The following GLYATL2 variants were observed in gnomAD, a reference collection of about 807,000 sequenced individuals.
GLYATL2 encodes the protein glycine-N-acyltransferase like 2.
In GLYATL2, 25 loss-of-function variants were observed where a neutral mutation model predicts 21.4. The observed-to-expected ratio is 1.17, with a 90% CI of 0.85 to 1.63. GLYATL2 has a LOEUF of 1.63. GLYATL2 is among the 40% of genes most tolerant of loss of function. The pLI is 0.00. For missense variants in GLYATL2, 361 were observed against 343.3 expected, an observed-to-expected ratio of 1.05 and a Z score of -0.41; for synonymous variants, 114 against 118.2, an observed-to-expected ratio of 0.96 and a Z score of 0.23.
At chr11:58,838,818 G>A (rs576139169) in intron 2 of GLYATL2, among the ~76,000 whole-genome samples, 1 of 152,258 alleles carries the variant, frequency 6.6e-6, no homozygotes, top group Admixed American at 6.5e-5. Flanking sequence ...CGTGGTCTGA[G>A]AGATATATGT....
At chr11:58,886,287 A>G (rs1223708902) in intron 1 of GLYATL2, among the ~76,000 whole-genome samples, 1 of 152,222 alleles carries the variant, frequency 6.6e-6, no homozygotes, top group Non-Finnish European at 1.5e-5. Flanking sequence ...TGTCAACTAT[A>G]TGGAAGCACG....
intron 1 of GLYATL2, among the ~76,000 whole-genome samples, chr11:58,852,205 C>T (rs1480519633): frequency 1.3e-5 from 2 of 152,206 alleles, no homozygotes; most frequent in African/African-American, 4.8e-5. Flanking sequence ...TCCCTTAACC[C>T]TCTTTCCATG....
chr11:58,839,685 A>G (rs1853509905), intron 1 of GLYATL2, 33 bp from the exon 2 acceptor site: 1 of 1,058,252 alleles, frequency 9.4e-7, no homozygotes, highest in Non-Finnish European at 1.4e-6. Context: ...AAAAATACCT[A>G]GAGAGATATG....
chr11:58,894,456 T>A (rs993596993), intron 1 of GLYATL2, among the ~76,000 whole-genome samples: 1 of 122,460 alleles, frequency 8.2e-6, no homozygotes, highest in Non-Finnish European at 1.6e-5. Flanking sequence ...CTTGGATTAC[T>A]GTGAACATTG....
chr11:58,861,465 T>A (rs950259282), intron 1 of GLYATL2, among the ~76,000 whole-genome samples: 4 of 151,922 alleles, frequency 2.6e-5, no homozygotes, highest in Non-Finnish European at 5.9e-5. Context: ...TTTTTCTTTT[T>A]TTCCCCTCGT....
intron 1 of GLYATL2, among the ~76,000 whole-genome samples, chr11:58,873,639 C>T (rs1195148319): frequency 6.6e-6 from 1 of 152,148 alleles, no homozygotes; most frequent in East Asian, 1.9e-4. Context: ...ATGAAGCCCA[C>T]TTGATCATGG....
chr11:58,855,582 A>G (rs518089), intron 1 of GLYATL2, among the ~76,000 whole-genome samples: 135,051 of 152,228 alleles, frequency 0.89, 61,068 homozygotes, highest in Non-Finnish European at 0.98. Flanking sequence ...TCAACTTAAA[A>G]TAACCAGCTG....
intron 2 of GLYATL2, 45 bp from the exon 3 acceptor site, chr11:58,838,413 C>A: frequency 2.5e-6 from 3 of 1,181,694 alleles, no homozygotes; most frequent in Non-Finnish European, 3.8e-6. Context: ...AGTTCTTCTC[C>A]AATATAGAGT....
chr11:58,851,179 G>C (rs1300481124), intron 1 of GLYATL2, among the ~76,000 whole-genome samples: 1 of 152,020 alleles, frequency 6.6e-6, no homozygotes, highest in Admixed American at 6.6e-5. Flanking sequence ...GGCCACTACT[G>C]GTCTCCGCAT....
chr11:58,895,494 C>T (rs575195799), intron 1 of GLYATL2, among the ~76,000 whole-genome samples: 2 of 152,252 alleles, frequency 1.3e-5, no homozygotes, highest in South Asian at 4.1e-4. Flanking sequence ...GGTAAGTTTC[C>T]TTCTCATTCC....
intron 1 of GLYATL2, among the ~76,000 whole-genome samples, chr11:58,875,523 G>A (rs1332588809): frequency 1.3e-5 from 2 of 152,186 alleles, no homozygotes; most frequent in African/African-American, 2.4e-5. Context: ...TGCCTGTAAA[G>A]TATTTTATTT....
intron 1 of GLYATL2, among the ~76,000 whole-genome samples, chr11:58,896,730 G>GTTTGT (rs10670699): frequency 0.87 from 132,210 of 151,780 alleles, 58,594 homozygotes; most frequent in Middle Eastern, 0.97. Context: ...ACTTAAACGT[G>GTTTGT]TTTGTTTTGT....
chr11:58,849,564 T>C (rs1454329467), upstream of GLYATL2, among the ~76,000 whole-genome samples: 1 of 152,086 alleles, frequency 6.6e-6, no homozygotes, highest in Non-Finnish European at 1.5e-5. Context: ...AGTCTCTCAG[T>C]AAAGAAAAGC....
intron 1 of GLYATL2, among the ~76,000 whole-genome samples, chr11:58,887,595 C>T (rs1241478759): frequency 1.3e-5 from 2 of 152,154 alleles, no homozygotes; most frequent in Non-Finnish European, 2.9e-5. Flanking sequence ...GGGATAATCA[C>T]TGATGATCTC....
intron 1 of GLYATL2, among the ~76,000 whole-genome samples, chr11:58,880,061 T>C (rs1164286635): frequency 6.6e-6 from 1 of 152,098 alleles, no homozygotes; most frequent in African/African-American, 2.4e-5. Context: ...GGTTTCACCA[T>C]GTTAGCCAGG....
chr11:58,882,108 G>A (rs376270346), intron 1 of GLYATL2, among the ~76,000 whole-genome samples: 8 of 152,278 alleles, frequency 5.3e-5, no homozygotes, highest in African/African-American at 1.4e-4. Flanking sequence ...TAATGGGATC[G>A]CTGAGTCAAA....
chr11:58,838,144 G>T, intron 3 of GLYATL2, 117 bp downstream of exon 3: 1 of 650,860 alleles, frequency 1.5e-6, no homozygotes, highest in South Asian at 2.0e-5. Flanking sequence ...TCCAAAACCT[G>T]CATACATCAA....
chr11:58,902,339 T>A lies in GLYATL2; in HGVS notation n.60+1817A>T, dbSNP rs545667425. Among the ~76,000 whole-genome samples, 977 of 152,314 alleles carry A rather than the reference T, an allele frequency of 6.4e-3. 6 individuals are homozygous for A. The highest frequency in any genetic ancestry group is 0.022 in the African/African-American group (905 of 41,552). ...GAAGCCAATTCTCCTCAGTCCTTCC[T>A]GCCACTTCTGCCATTGTACATCCAG... On this transcript the variant is annotated intron_variant and non_coding_transcript_variant, in intron 1 of 4. Transcript: ENST00000533636.
At chr11:58,897,794 A>C (rs1854660280) in intron 1 of GLYATL2, among the ~76,000 whole-genome samples, 1 of 152,216 alleles carries the variant, frequency 6.6e-6, no homozygotes, top group African/African-American at 2.4e-5. Flanking sequence ...TTCTTATTAC[A>C]GTTACAAACA....
Sources: gnomAD v4.1 joint callset for allele counts (sites outside exome capture counted in the v4.1 genomes callset) on GRCh38, gnomAD v4.1.1 for gene constraint, MANE v1.5 for transcripts, NCBI Gene and HGNC (gene_info 2026-07-23, HGNC 2026-07-21) for gene names.